Variants in PIBF1 observed in about 807,000 individuals in gnomAD.
PIBF1 encodes the protein progesterone immunomodulatory binding factor 1.
A neutral mutation model predicts 112.5 loss-of-function variants in PIBF1; 90 were observed. The ratio of observed to expected loss-of-function variants is 0.80; its 90% CI spans 0.67 to 0.95. The LOEUF (loss-of-function observed/expected upper bound fraction) is 0.95. PIBF1 is among the 40% of genes least tolerant of loss of function. PIBF1 has a pLI of 0.00. For missense variants in PIBF1, 915 were observed against 852.3 expected, an observed-to-expected ratio of 1.07 and a Z score of -0.92; for synonymous variants, 301 against 288.6, an observed-to-expected ratio of 1.04 and a Z score of -0.44.
chr13:72,843,926 C>A (rs797015024), intron 9 of PIBF1, among the ~76,000 whole-genome samples: 11 of 152,290 alleles, frequency 7.2e-5, no homozygotes, highest in African/African-American at 2.6e-4. Context: ...GTATCACTTT[C>A]ATTTTATACA....
Position 72,787,912 on chromosome 13 carries a change from A to G in PIBF1, c.252+4191A>G, listed in dbSNP as rs577110816. On this transcript the variant is annotated intron_variant, in intron 2 of 17. Transcript: ENST00000326291. ...TGGCCTCAAGCAATCCACCCATTTCAGCCTCCCAAAGTGCAGGTGTGAAGC... is the reference window on the plus strand; with the variant it reads ...TGGCCTCAAGCAATCCACCCATTTCGGCCTCCCAAAGTGCAGGTGTGAAGC... 9.5e-4 allele frequency among the ~76,000 whole-genome samples: 144 copies of G among 152,258 alleles called. 1 individual carries two copies. The highest frequency in any genetic ancestry group is 3.2e-3 in the African/African-American group (132 of 41,560).
intron 10 of PIBF1, among the ~76,000 whole-genome samples, chr13:72,867,380 A>G (rs565663710): frequency 6.6e-6 from 1 of 152,324 alleles, no homozygotes; most frequent in African/African-American, 2.4e-5. Context: ...CCACATGAAA[A>G]TGGACTAATA....
At chr13:72,897,598 A>G (rs1276191017) in intron 11 of PIBF1, among the ~76,000 whole-genome samples, 2 of 152,228 alleles carry the variant, frequency 1.3e-5, no homozygotes, top group South Asian at 2.1e-4. Context: ...AAGGACTCAC[A>G]TAAACTTAAA....
chr13:72,988,054 G>T (rs1382757937), intron 16 of PIBF1, among the ~76,000 whole-genome samples: 1 of 150,374 alleles, frequency 6.7e-6, no homozygotes, highest in Non-Finnish European at 1.5e-5. Context: ...GTAGAGACGG[G>T]GTTTCACCAT....
chr13:72,816,786 G>T (rs1359975585), intron 5 of PIBF1, among the ~76,000 whole-genome samples: 1 of 150,840 alleles, frequency 6.6e-6, no homozygotes, highest in African/African-American at 2.4e-5. Flanking sequence ...AAATTATTAA[G>T]ATTTTTGTTT....
intron 11 of PIBF1, among the ~76,000 whole-genome samples, chr13:72,905,318 A>T (rs923233885): frequency 6.6e-6 from 1 of 151,712 alleles, no homozygotes; most frequent in Non-Finnish European, 1.5e-5. Context: ...CGCACATCTC[A>T]GCCTCCCAAA....
At chr13:72,974,505 G>T (rs2042972443) in intron 16 of PIBF1, among the ~76,000 whole-genome samples, 1 of 152,090 alleles carries the variant, frequency 6.6e-6, no homozygotes, top group Non-Finnish European at 1.5e-5. Flanking sequence ...TAATACATTT[G>T]CAATTCATAT....
At chr13:72,875,047 A>C (rs938091818) in intron 10 of PIBF1, among the ~76,000 whole-genome samples, 2 of 152,358 alleles carry the variant, frequency 1.3e-5, no homozygotes, top group Admixed American at 1.3e-4. Flanking sequence ...TGTTTGGACA[A>C]ATCTGTAATG....
intron 9 of PIBF1, among the ~76,000 whole-genome samples, chr13:72,843,902 T>A (rs17089801): frequency 6.6e-6 from 1 of 152,108 alleles, no homozygotes; most frequent in Non-Finnish European, 1.5e-5. Context: ...TTCCCTAGGA[T>A]GCCATTAAAA....
intron 11 of PIBF1, among the ~76,000 whole-genome samples, chr13:72,898,471 A>G (rs1486040544): frequency 2.0e-5 from 3 of 152,034 alleles, no homozygotes; most frequent in Non-Finnish European, 4.4e-5. Context: ...GCAGAACTAA[A>G]TGAAATTTGA....
intron 14 of PIBF1, among the ~76,000 whole-genome samples, chr13:72,934,765 A>G (rs1476845176): frequency 6.6e-6 from 1 of 152,166 alleles, no homozygotes; most frequent in African/African-American, 2.4e-5. Flanking sequence ...AATTGCACAT[A>G]TTTAAGGTAT....
intron 10 of PIBF1, among the ~76,000 whole-genome samples, chr13:72,863,417 C>T (rs1408582446): frequency 6.6e-6 from 1 of 151,746 alleles, no homozygotes; most frequent in Non-Finnish European, 1.5e-5. Flanking sequence ...TTTGGGAGGC[C>T]AAGGTGGGCG....
intron 7 of PIBF1, 79 bp downstream of exon 7, chr13:72,827,197 G>C: frequency 2.1e-6 from 1 of 479,924 alleles, no homozygotes; most frequent in East Asian, 4.0e-5. Context: ...ATTTGAAGGA[G>C]AGACATTTTT....
intron 16 of PIBF1, among the ~76,000 whole-genome samples, chr13:72,988,911 C>T (rs1164228286): frequency 2.6e-5 from 4 of 151,838 alleles, no homozygotes; most frequent in African/African-American, 7.3e-5. Flanking sequence ...GGTGGCACAC[C>T]CTTGTAATCC....
At chr13:72,783,983 A>G (rs758428081) in intron 2 of PIBF1, among the ~76,000 whole-genome samples, 31 of 151,536 alleles carry the variant, frequency 2.0e-4, no homozygotes, top group Non-Finnish European at 3.4e-4. Context: ...GGAGGAATAC[A>G]TTCAAGAGAT....
chr13:72,878,876 G>C lies in PIBF1; in HGVS notation c.1323-14908G>C, dbSNP rs565474633. On this transcript the variant is annotated intron_variant, in intron 10 of 17. Coordinates refer to ENST00000326291, the MANE Select transcript of PIBF1 (RefSeq NM_006346.4). ...TCATGTAGTGCCCCTCTTTATCCTTGATAACTTTTCTTGCTCTGAAGTCTG... is the reference window on the plus strand; with the variant it reads ...TCATGTAGTGCCCCTCTTTATCCTTCATAACTTTTCTTGCTCTGAAGTCTG... Among the ~76,000 whole-genome samples, 108 of 152,188 alleles carry C rather than the reference G, an allele frequency of 7.1e-4. 1 individual carries two copies. The highest frequency in any genetic ancestry group is 2.6e-3 in the African/African-American group (108 of 41,532).
chr13:72,810,491 A>T (rs2035956340), intron 5 of PIBF1, among the ~76,000 whole-genome samples: 1 of 152,236 alleles, frequency 6.6e-6, no homozygotes, highest in Admixed American at 6.5e-5. Flanking sequence ...CTGCAAGATT[A>T]TCTTGAGGTT....
intron 5 of PIBF1, among the ~76,000 whole-genome samples, chr13:72,812,734 A>C (rs1667900207): frequency 6.6e-6 from 1 of 151,994 alleles, no homozygotes; most frequent in African/African-American, 2.4e-5. Flanking sequence ...CAGTGAGCCA[A>C]GATTGTGTCC....
At chr13:72,857,471 A>G (rs1471643708) in intron 10 of PIBF1, among the ~76,000 whole-genome samples, 2 of 152,258 alleles carry the variant, frequency 1.3e-5, no homozygotes, top group Admixed American at 1.3e-4. Context: ...AATATTTGCA[A>G]CGTCTGTCAC....
Sources: gnomAD v4.1 joint callset for allele counts (sites outside exome capture counted in the v4.1 genomes callset) on GRCh38, gnomAD v4.1.1 for gene constraint, MANE v1.5 for transcripts, NCBI Gene and HGNC (gene_info 2026-07-23, HGNC 2026-07-21) for gene names.